The following CAMK4 variants were observed in gnomAD, a reference collection of about 807,000 sequenced individuals.
CAMK4 encodes the protein calcium/calmodulin dependent protein kinase IV.
In CAMK4, 22 loss-of-function variants were observed where a neutral mutation model predicts 44.9. That is an observed-to-expected ratio of 0.49 (90% CI 0.35 to 0.70). CAMK4 has a LOEUF of 0.70. Ranked by LOEUF, CAMK4 falls within the 30% of genes least tolerant of loss-of-function variation. The pLI, the probability that CAMK4 is intolerant of heterozygous loss-of-function variation, is 0.01. For missense variants in CAMK4, 498 were observed against 586.8 expected, an observed-to-expected ratio of 0.85 and a Z score of 1.56; for synonymous variants, 218 against 215.4, an observed-to-expected ratio of 1.01 and a Z score of -0.11.
chr5:111,388,483 A>G (rs1751684458), intron 4 of CAMK4, among the ~76,000 whole-genome samples: 1 of 152,002 alleles, frequency 6.6e-6, no homozygotes, highest in African/African-American at 2.4e-5. Context: ...CCGACCCCCA[A>G]CTGCCACCCT....
Position 111,462,342 on chromosome 5 carries a change from T to A in CAMK4, c.626-10969T>A, listed in dbSNP as rs545294823. Reference sequence around the variant, plus strand: ...TATCACTTTGCATTTCTTCCTTTGATGTTTTTGATTTATGTCTACATCCCC... The same window carrying A: ...TATCACTTTGCATTTCTTCCTTTGAAGTTTTTGATTTATGTCTACATCCCC... On this transcript the variant is annotated intron_variant, in intron 7 of 10. Transcript: ENST00000282356. 1.2e-3 allele frequency among the ~76,000 whole-genome samples: 181 copies of A among 152,344 alleles called. 3 individuals carry two copies. The South Asian group carries it at 0.036, about 30-fold the overall frequency.
intron 8 of CAMK4, among the ~76,000 whole-genome samples, chr5:111,473,607 G>GT (rs1755140162): frequency 6.6e-6 from 1 of 152,068 alleles, no homozygotes; most frequent in East Asian, 1.9e-4. Context: ...GCTTTCCTAT[G>GT]TCTATATCCA....
intron 5 of CAMK4, among the ~76,000 whole-genome samples, chr5:111,425,515 C>T (rs1753194669): frequency 6.6e-6 from 1 of 152,252 alleles, no homozygotes; most frequent in Admixed American, 6.5e-5. Context: ...AGTCTAGCCA[C>T]AAATAGAAAG....
In CAMK4 at chr5:111,484,274, T is replaced by C. The variant is rs1481634451; in HGVS notation, c.1230T>C (p.Ala410=). 1 of 1,614,020 alleles carries C rather than the reference T, an allele frequency of 6.2e-7. No homozygotes were observed. ...LEKVKGADIN[A]EEAPKMVPKA... ...AAGTTAAAGGTGCAGATATAAATGC[T>C]GAAGAGGCCCCCAAAATGGTGCCCA... Residue 410 remains alanine (A), a synonymous_variant, in exon 11 of 11, where the codon GCT becomes GCC. Coordinates refer to ENST00000282356, the MANE Select transcript of CAMK4 (RefSeq NM_001744.6). This position sits in a 1 kb window ranked among gnomAD's most constrained non-coding sequence, Gnocchi z 5.3.
At chr5:111,430,883 C>A (rs564358661) in intron 5 of CAMK4, among the ~76,000 whole-genome samples, 36 of 152,142 alleles carry the variant, frequency 2.4e-4, no homozygotes, top group African/African-American at 7.9e-4. Flanking sequence ...CTACCCAAGG[C>A]AATCTACAGA....
rs1384248162 is a variant in CAMK4, at chr5:111,491,862, T to C, written c.*7396T>C. On this transcript the variant is annotated 3_prime_UTR_variant, in exon 11 of 11. Coordinates refer to ENST00000282356, the MANE Select transcript of CAMK4 (RefSeq NM_001744.6). ...ATCAATTGAATTTTCATTAATCATTTTAGGAAATATTATGTTTTATTTTGT... is the reference window on the plus strand; with the variant it reads ...ATCAATTGAATTTTCATTAATCATTCTAGGAAATATTATGTTTTATTTTGT... The C allele has an allele frequency of 1.3e-5, 2 of 152,218 alleles. No homozygotes were observed. The highest frequency in any genetic ancestry group is 2.9e-5 in the Non-Finnish European group (2 of 68,038). The allele number at this position is 152,218 out of a possible 1,614,324, so 9.4% of individuals were successfully genotyped here.
At chr5:111,363,485 T>G (rs922291245) in intron 2 of CAMK4, among the ~76,000 whole-genome samples, 5 of 152,078 alleles carry the variant, frequency 3.3e-5, no homozygotes, top group African/African-American at 1.2e-4. Flanking sequence ...CTTTCTGTCA[T>G]AGAACTCATG....
rs187047920 is a variant in CAMK4 at position 111,361,863 on chromosome 5, A to T, written c.241-12987A>T. Among the ~76,000 whole-genome samples, 21 of 152,188 alleles carry T rather than the reference A, an allele frequency of 1.4e-4. No homozygotes were observed. The East Asian group carries it at 3.7e-3, about 27-fold the overall frequency. On this transcript the variant is annotated intron_variant, in intron 2 of 10. Transcript: ENST00000282356. ...TCTGATGAAGTTGTCATTCACTTTTAGAAAATTTTTTAGAATAACAATAAA... is the reference window on the plus strand; with the variant it reads ...TCTGATGAAGTTGTCATTCACTTTTTGAAAATTTTTTAGAATAACAATAAA...
Position 111,224,587 on chromosome 5 carries a change from A to G in CAMK4, c.104A>G (p.Asp35Gly), listed in dbSNP as rs1317630979. ...AGCCTCGTCCCGGATTACTGGATCG[A>G]CGGCTCCAACAGGGATGCGCTGAGC... The part of the protein sequence containing the change: ...TASLVPDYWI[D>G]GSNRDALSDF... The change falls in exon 1 of 11, where the codon GAC (aspartate) becomes GGC (glycine). Residue 35 changes from aspartate to glycine, a missense_variant. Asp to Gly is a moderately conservative substitution (Grantham distance 94, BLOSUM62 -1). This residue lies in a region of CAMK4 where 152 missense variants were observed against 143.7 expected (regional missense o/e 1.06). Coordinates refer to ENST00000282356, the MANE Select transcript of CAMK4 (RefSeq NM_001744.6). This position sits in a 1 kb window ranked among gnomAD's most constrained non-coding sequence, Gnocchi z 5.7. The G allele has an allele frequency of 2.5e-6, 4 of 1,612,064 alleles. No individual in the cohort carries two copies. Among genetic ancestry groups the G allele is most frequent in the Admixed American group, 3.3e-5 (2 of 59,936 alleles).
rs141680054 is a variant in CAMK4 at position 111,351,467 on chromosome 5, G to A, written c.240+7365G>A. On this transcript the variant is annotated intron_variant, in intron 2 of 10. Transcript: ENST00000282356. Reference sequence around the variant, plus strand: ...GTTGTACATGCTGGAGTGTGATGGCGCCATCTTGGCTCACTGCAACCTCTG... The same window carrying A: ...GTTGTACATGCTGGAGTGTGATGGCACCATCTTGGCTCACTGCAACCTCTG... Among the ~76,000 whole-genome samples, 215 of 150,900 alleles carry A rather than the reference G, an allele frequency of 1.4e-3. 1 individual carries two copies. Among genetic ancestry groups the A allele is most frequent in the East Asian group, 0.013 (65 of 5,122 alleles).
intron 1 of CAMK4, among the ~76,000 whole-genome samples, chr5:111,339,873 A>AT (rs919419120): frequency 8.6e-5 from 13 of 150,924 alleles, no homozygotes; most frequent in Non-Finnish European, 1.9e-4. Flanking sequence ...ATATCTTTTC[A>AT]TTTTTTTGTG....
chr5:111,443,545 C>T (rs1395406328), intron 5 of CAMK4, among the ~76,000 whole-genome samples: 1 of 151,534 alleles, frequency 6.6e-6, no homozygotes, highest in African/African-American at 2.4e-5. Context: ...TTTCTCTAAA[C>T]TTTCCTTCCT....
rs1011296359 is a variant in CAMK4, at chr5:111,486,742, A to G, written c.*2276A>G. 1 of 152,152 alleles carries G rather than the reference A, an allele frequency of 6.6e-6. No homozygotes were observed. The highest frequency in any genetic ancestry group is 2.4e-5 in the African/African-American group (1 of 41,418). 9.4% of individuals were successfully genotyped at this position (152,152 alleles called of 1,614,324 possible). On this transcript the variant is annotated 3_prime_UTR_variant, in exon 11 of 11. Coordinates refer to ENST00000282356, the MANE Select transcript of CAMK4 (RefSeq NM_001744.6). ...CTATAGAAACAACGTTGCAAATACC[A>G]TGCCCAATGTGTATTTTAGAATTTA...
chr5:111,298,737 C>A (rs933726126), intron 1 of CAMK4, among the ~76,000 whole-genome samples: 2 of 152,230 alleles, frequency 1.3e-5, no homozygotes, highest in South Asian at 4.1e-4. Context: ...GCATGGCGCT[C>A]CTCCTGTTAA....
chr5:111,377,459 A>G (rs306127), intron 4 of CAMK4, among the ~76,000 whole-genome samples: 131,507 of 148,910 alleles, frequency 0.88, 58,062 homozygotes, highest in East Asian at 1. Context: ...ATTATTGCCA[A>G]CTTTGGTTTC....
chr5:111,324,724 A>C (rs774380129), intron 1 of CAMK4, among the ~76,000 whole-genome samples: 18 of 152,164 alleles, frequency 1.2e-4, no homozygotes, highest in Non-Finnish European at 2.1e-4. Flanking sequence ...ACATCAGATT[A>C]AATAACTGCA....
In CAMK4 at chr5:111,475,022, G is replaced by T. The variant is rs144807907; in HGVS notation, c.701+1636G>T. ...ACTAAAAATATAAAAAATTAGCAGG[G>T]TGTGGTAGTGGGCGCCTGTAGTCCC... is the stretch of plus-strand genomic sequence containing the variant. On this transcript the variant is annotated intron_variant, in intron 8 of 10. Coordinates refer to ENST00000282356, the MANE Select transcript of CAMK4 (RefSeq NM_001744.6). Among the ~76,000 whole-genome samples, 637 of 152,272 alleles carry T rather than the reference G, an allele frequency of 4.2e-3. 1 individual carries two copies. The highest frequency in any genetic ancestry group is 7.5e-3 in the Admixed American group (115 of 15,290).
At chr5:111,441,295 C>T (rs1753814609) in intron 5 of CAMK4, among the ~76,000 whole-genome samples, 1 of 152,152 alleles carries the variant, frequency 6.6e-6, no homozygotes, top group South Asian at 2.1e-4. Flanking sequence ...TAGTCTCTCT[C>T]AACTACTCTG....
intron 1 of CAMK4, among the ~76,000 whole-genome samples, chr5:111,277,366 A>G (rs1394583545): frequency 1.3e-5 from 2 of 152,254 alleles, no homozygotes; most frequent in East Asian, 1.9e-4. Flanking sequence ...ATGTTATGTC[A>G]TAAAGCATTA....
Sources: gnomAD v4.1 joint callset for allele counts (sites outside exome capture counted in the v4.1 genomes callset) on GRCh38, gnomAD v4.1.1 for gene constraint, gnomAD v4.1.1 regional missense constraint, Gnocchi (gnomAD v3.1) non-coding constraint, MANE v1.5 for transcripts, NCBI Gene and HGNC (gene_info 2026-07-23, HGNC 2026-07-21) for gene names.